The following TENM2 variants were observed in gnomAD, a reference collection of about 807,000 sequenced individuals.
TENM2 encodes teneurin-2.
TENM2 carries 52 observed loss-of-function variants against 245.2 expected under a neutral mutation model. The observed-to-expected ratio is 0.21, with a 90% CI of 0.17 to 0.27. TENM2 has a LOEUF of 0.27. Among genes scored for constraint, TENM2 ranks in the 10% least tolerant of loss-of-function variants. The probability of loss-of-function intolerance (pLI) is 1.00; values close to 1 mark genes in which losing one functional copy is unlikely to be tolerated. For synonymous variants in TENM2, 1,363 were observed against 1,438.9 expected (o/e 0.95, Z 1.19); for missense variants, 3,046 against 3,666.8 (o/e 0.83, Z 4.37).
chr5:167,313,196 C>T (rs1225850395), intron 1 of TENM2, among the ~76,000 whole-genome samples: 1 of 152,066 alleles, frequency 6.6e-6, no homozygotes, highest in Non-Finnish European at 1.5e-5. Context: ...AGCCACCGTG[C>T]CCAGCCTGAC....
intron 13 of TENM2, among the ~76,000 whole-genome samples, chr5:168,173,252 G>A (rs1379043472): frequency 6.6e-6 from 1 of 152,182 alleles, no homozygotes; most frequent in Non-Finnish European, 1.5e-5. Context: ...AAGGAGGGAA[G>A]CCACTTACTC....
At chr5:167,909,109 C>G (rs997014493) in intron 3 of TENM2, among the ~76,000 whole-genome samples, 5 of 70,660 alleles carry the variant, frequency 7.1e-5, no homozygotes, top group African/African-American at 2.7e-4. Context: ...CAGTTTTATT[C>G]TTTTTCAAGG....
At chr5:167,402,258 T>C (rs1329809279) in intron 2 of TENM2, among the ~76,000 whole-genome samples, 1 of 152,138 alleles carries the variant, frequency 6.6e-6, no homozygotes. Flanking sequence ...TTATATAAGC[T>C]AATGTATTAT....
chr5:167,886,368 G>C (rs1774290943), intron 3 of TENM2, among the ~76,000 whole-genome samples: 1 of 152,170 alleles, frequency 6.6e-6, no homozygotes, highest in East Asian at 1.9e-4. Flanking sequence ...GCCCAGCTCT[G>C]AATAGCATTT....
intron 2 of TENM2, among the ~76,000 whole-genome samples, chr5:167,665,651 T>C (rs1278994428): frequency 6.6e-6 from 1 of 152,184 alleles, no homozygotes; most frequent in South Asian, 2.1e-4. Flanking sequence ...TACCCTTACA[T>C]AAATTGACTC....
At chr5:167,300,965 C>G (rs1755275767) in intron 1 of TENM2, among the ~76,000 whole-genome samples, 1 of 152,070 alleles carries the variant, frequency 6.6e-6, no homozygotes, top group South Asian at 2.1e-4. Flanking sequence ...GGTTTAGAAG[C>G]CTGGCCGTCA....
intron 2 of TENM2, among the ~76,000 whole-genome samples, chr5:167,722,841 T>A (rs1759728519): frequency 6.6e-6 from 1 of 152,186 alleles, no homozygotes; most frequent in Non-Finnish European, 1.5e-5. Flanking sequence ...CAAATATGTT[T>A]CTACTTCAAT....
rs543259551 is a variant in TENM2 at position 168,033,464 on chromosome 5, A to G, written c.1187-13963A>G. Among the ~76,000 whole-genome samples, 3 of 152,220 alleles carry G rather than the reference A, an allele frequency of 2.0e-5. No individual in the cohort carries two copies. In the East Asian group the frequency reaches 5.8e-4, roughly 29 times the overall value. On this transcript the variant is annotated intron_variant, in intron 5 of 28. Transcript: ENST00000518659. ...CTACCTCAAAGGTGATTTTTTTTTA[A>G]TGATCAATGAGAAATGTCTTAAAAG...
chr5:167,979,505 G>A (rs971402913), intron 4 of TENM2, among the ~76,000 whole-genome samples: 4 of 152,274 alleles, frequency 2.6e-5, no homozygotes, highest in Non-Finnish European at 5.9e-5. Flanking sequence ...CAGGTGATTC[G>A]TGTGAAGTAA....
chr5:167,862,642 G>T (rs1354640892), intron 2 of TENM2, among the ~76,000 whole-genome samples: 1 of 152,214 alleles, frequency 6.6e-6, no homozygotes, highest in Admixed American at 6.5e-5. Context: ...TCCCCGGAGA[G>T]TGTCCTAAGT....
intron 12 of TENM2, among the ~76,000 whole-genome samples, chr5:168,157,200 G>A (rs1325358108): frequency 6.6e-6 from 1 of 152,160 alleles, no homozygotes; most frequent in Non-Finnish European, 1.5e-5. Context: ...GGGATTTGAA[G>A]GATGTATTGA....
chr5:168,260,278 C>G lies in TENM2; in HGVS notation c.7433-5C>G, dbSNP rs1768065897. ...AGAAACCTTTATTTTTGTTTTCCAC[C>G]ATAGATGTGAAAAGCTGGCTTGTGA... On this transcript the variant is annotated splice_region_variant and splice_polypyrimidine_tract_variant and intron_variant, in intron 27 of 28. Transcript: ENST00000518659. The G allele has an allele frequency of 1.9e-6, 3 of 1,613,752 alleles. No individual in the cohort carries two copies. Among genetic ancestry groups the G allele is most frequent in the Non-Finnish European group, 2.5e-6 (3 of 1,179,830 alleles).
chr5:167,695,851 G>A (rs1370652599), intron 2 of TENM2, among the ~76,000 whole-genome samples: 1 of 151,794 alleles, frequency 6.6e-6, no homozygotes, highest in Non-Finnish European at 1.5e-5. Flanking sequence ...TGGCTAACAT[G>A]ATGAAACCCC....
the TENM2 span, among the ~76,000 whole-genome samples, chr5:167,248,605 G>T: frequency 1.3e-5 from 2 of 152,218 alleles, no homozygotes; most frequent in African/African-American, 4.8e-5. Context: ...GAATATCAGG[G>T]TCCATAAGTT....
At chr5:168,217,158 G>A (rs890105523) in intron 22 of TENM2, among the ~76,000 whole-genome samples, 5 of 152,120 alleles carry the variant, frequency 3.3e-5, no homozygotes, top group African/African-American at 1.2e-4. Context: ...GAGAAAAGTG[G>A]AACTGGTGAC....
At chr5:167,649,481 G>T (rs575404305) in intron 2 of TENM2, among the ~76,000 whole-genome samples, 1 of 152,218 alleles carries the variant, frequency 6.6e-6, no homozygotes, top group African/African-American at 2.4e-5. Context: ...CCATACCACA[G>T]GGCTGACAAA....
chr5:167,472,256 A>G (rs1767074202), intron 2 of TENM2, among the ~76,000 whole-genome samples: 1 of 152,146 alleles, frequency 6.6e-6, no homozygotes, highest in South Asian at 2.1e-4. Context: ...AAACATCTTA[A>G]AAGTTAGCTC....
At chr5:167,516,530 A>G (rs772451973) in intron 2 of TENM2, among the ~76,000 whole-genome samples, 3 of 152,180 alleles carry the variant, frequency 2.0e-5, no homozygotes, top group Non-Finnish European at 4.4e-5. Flanking sequence ...ATTAAGACAC[A>G]TTCTTTATAT....
chr5:167,856,256 A>G (rs1771091410), intron 2 of TENM2, among the ~76,000 whole-genome samples: 1 of 152,066 alleles, frequency 6.6e-6, no homozygotes, highest in Non-Finnish European at 1.5e-5. Context: ...CACTTTGCCA[A>G]ATGAGCTGAG....
Sources: allele counts gnomAD v4.1 joint callset (sites outside exome capture counted in the v4.1 genomes callset), GRCh38; gene constraint gnomAD v4.1.1; transcripts MANE v1.5; gene names NCBI Gene and HGNC (gene_info 2026-07-23, HGNC 2026-07-21).